Variants in ZNF160 observed in about 807,000 individuals in gnomAD.
ZNF160 encodes zinc finger protein 160.
A neutral mutation model predicts 13.1 loss-of-function variants in ZNF160; 9 were observed. The ratio of observed to expected loss-of-function variants is 0.69; its 90% confidence interval spans 0.41 to 1.20. The LOEUF (loss-of-function observed/expected upper bound fraction) is 1.20. ZNF160 is among the 50% of genes most tolerant of loss of function. The pLI is 0.01. For synonymous variants in ZNF160, 293 were observed against 333.2 expected (o/e 0.88, Z 1.31); for missense variants, 838 against 988.0 (o/e 0.85, Z 2.04).
Position 53,070,248 on chromosome 19 carries a change from A to T in ZNF160, c.286T>A (p.Cys96Ser). ...TTTGGTAGCAAATCCTTGATTGTAC[A>T]TTTAGGAGGGATATCTACAAGATAT... ...KGVVTDIPPK[C>S]TIKDLLPKEK... The change falls in exon 6 of 6, where the codon TGT becomes AGT. Residue 96 changes from cysteine to serine, a missense_variant. Cys to Ser is a moderately radical substitution (Grantham distance 112). Coordinates refer to ENST00000683776, the MANE Select transcript of ZNF160 (RefSeq NM_001322131.2). 6.3e-7 allele frequency: 1 copy of T among 1,593,412 alleles called. No individual in the cohort carries two copies. The highest frequency in any genetic ancestry group is 8.5e-7 in the Non-Finnish European group (1 of 1,171,718).
chr19:53,089,694 C>A (rs949045609), intron 2 of ZNF160, among the ~76,000 whole-genome samples: 1 of 152,118 alleles, frequency 6.6e-6, no homozygotes, highest in Non-Finnish European at 1.5e-5. Flanking sequence ...CAACATGTCA[C>A]AACTAAATTA....
intron 3 of ZNF160, 180 bp downstream of exon 3, chr19:53,086,082 C>T: frequency 7.3e-7 from 1 of 1,370,510 alleles, no homozygotes. Context: ...TTCCCAAGTT[C>T]ATGTCACTGG....
At chr19:53,073,443 C>A (rs760248975) in intron 5 of ZNF160, 1 of 1,598,382 alleles carries the variant, frequency 6.3e-7, no homozygotes, top group Non-Finnish European at 8.5e-7. Context: ...GCTGGAGACT[C>A]TTCCATGAGG....
chr19:53,094,402 T>C (rs1048736081), intron 1 of ZNF160, among the ~76,000 whole-genome samples: 1 of 152,150 alleles, frequency 6.6e-6, no homozygotes, highest in Non-Finnish European at 1.5e-5. Context: ...TTTCATCCTC[T>C]AAACAGACAA....
In ZNF160 at chr19:53,068,789, C is replaced by T. The variant is rs1484138555; in HGVS notation, c.1745G>A (p.Arg582Lys). ...KVFAQTSQLA[R>K]HWRVHTGEKP... Reference sequence around the variant, plus strand: ...TTCTCCAGTATGAACTCTCCAATGCCTTGCAAGTTGTGATGTTTGAGCGAA... The same window carrying T: ...TTCTCCAGTATGAACTCTCCAATGCTTTGCAAGTTGTGATGTTTGAGCGAA... Residue 582 changes from arginine (R) to lysine (K), a missense_variant, in exon 6 of 6, where the codon AGG (arginine) becomes AAG (lysine). By Grantham distance (26) the Arg-to-Lys change is conservative. Around this residue, in one of 3 missense-constraint regions of ZNF160, gnomAD observed 400 missense variants for 538.9 expected, o/e 0.74. Transcript: ENST00000683776. 6.2e-7 allele frequency: 1 copy of T among 1,612,504 alleles called. No homozygotes were observed. The highest frequency in any genetic ancestry group is 8.5e-7 in the Non-Finnish European group (1 of 1,178,862).
In ZNF160 at chr19:53,068,191, T is replaced by C. The variant is rs1371744774; in HGVS notation, c.2343A>G (p.Ala781=). 1 of 1,614,106 alleles carries C rather than the reference T, an allele frequency of 6.2e-7. No homozygotes were observed. The highest frequency in any genetic ancestry group is 1.1e-5 in the South Asian group (1 of 91,068). The change falls in exon 6 of 6, where the codon GCA becomes GCG. Residue 781 remains alanine (A), a synonymous_variant. Transcript: ENST00000683776. ...RVRSSLTTHM[A]IHTGEKRYKC... ...TGTAACGCTTTTCTCCAGTGTGGAT[T>C]GCCATATGGGTAGTTAGACTTGATC...
Position 53,103,385 on chromosome 19 carries a change from G to A in ZNF160, c.-474C>T, listed in dbSNP as rs1039096943. ...ACACAGAGGAACACTCATACGCCATGGTGTGATGCTTGCTCCGCACGATCC... is the reference window on the plus strand; with the variant it reads ...ACACAGAGGAACACTCATACGCCATAGTGTGATGCTTGCTCCGCACGATCC... On this transcript the variant is annotated 5_prime_UTR_variant, in exon 1 of 6. Coordinates refer to ENST00000683776, the MANE Select transcript of ZNF160 (RefSeq NM_001322131.2). The A allele has an allele frequency of 6.6e-6, 1 of 152,256 alleles. No individual in the cohort carries two copies. The highest frequency in any genetic ancestry group is 1.5e-5 in the Non-Finnish European group (1 of 68,068). 9.4% of individuals were successfully genotyped at this position (152,256 alleles called of 1,614,324 possible). A position where few individuals can be genotyped will look rare whatever the true frequency, so the allele number is the denominator to read the frequency against.
chr19:53,080,607 T>C (rs2084594656), intron 3 of ZNF160, among the ~76,000 whole-genome samples: 1 of 152,204 alleles, frequency 6.6e-6, no homozygotes, highest in African/African-American at 2.4e-5. Flanking sequence ...TTCATGCTCA[T>C]GGGTTGAAAG....
At chr19:53,080,341 C>A (rs571818852) in intron 3 of ZNF160, among the ~76,000 whole-genome samples, 5 of 152,062 alleles carry the variant, frequency 3.3e-5, no homozygotes, top group Admixed American at 6.6e-5. Context: ...TCAGGTGATC[C>A]GCCTGCCTTG....
intron 3 of ZNF160, among the ~76,000 whole-genome samples, chr19:53,077,599 G>A (rs1198237192): frequency 2.7e-5 from 4 of 150,606 alleles, no homozygotes; most frequent in African/African-American, 9.8e-5. Context: ...AACCCGGGAG[G>A]TGGAGGTTGC....
At chr19:53,077,739 C>G (rs2084454106) in intron 3 of ZNF160, among the ~76,000 whole-genome samples, 1 of 148,780 alleles carries the variant, frequency 6.7e-6, no homozygotes, top group African/African-American at 2.5e-5. Flanking sequence ...TAAATCACCA[C>G]AAAGTAATAC....
rs976730277 is a variant in ZNF160, at chr19:53,074,186, T to C, written c.225A>G (p.Ile75Met). Reference sequence around the variant, plus strand: ...ATTCCGGCGTTCTTGGTTTTCTTGCTATTTTCACACAGCTCTTCACAGTCC... The same window carrying C: ...ATTCCGGCGTTCTTGGTTTTCTTGCCATTTTCACACAGCTCTTCACAGTCC... ...EPWTVKSCVK[I>M]ARKPRTPECV... is the part of the protein sequence containing the mutation. Residue 75 changes from isoleucine to methionine, a missense_variant, in exon 5 of 6, where the codon ATA becomes ATG. By Grantham distance (10) the Ile-to-Met change is conservative (BLOSUM62 1). This residue lies in a region of ZNF160 where 387 missense variants were observed against 402.3 expected (regional missense o/e 0.96). Coordinates refer to ENST00000683776, the MANE Select transcript of ZNF160 (RefSeq NM_001322131.2). The C allele has an allele frequency of 1.9e-6, 3 of 1,613,912 alleles. No individual in the cohort carries two copies. The African/African-American group carries it at 4.0e-5, about 22-fold the overall frequency.
At position 53,075,158 on chromosome 19, in the gene ZNF160, G is replaced by A. The variant is rs575676248; in HGVS notation, c.41C>T (p.Ala14Val). The change falls in exon 4 of 6, where the codon GCC becomes GTC. Residue 14 changes from alanine (A) to valine (V), a missense_variant. Physicochemically the swap from Ala to Val is moderately conservative, Grantham distance 64. Around this residue, in one of 3 missense-constraint regions of ZNF160, gnomAD observed 387 missense variants for 402.3 expected, o/e 0.96. Transcript: ENST00000683776. ...TQVRLTFRDV[A>V]IEFSQEEWKC... is the part of the protein sequence containing the mutation. Reference sequence around the variant, plus strand: ...CCACTCCTCCTGAGAGAATTCTATGGCCACATCCCTAAATGTCAACCGTAC... The same window carrying A: ...CCACTCCTCCTGAGAGAATTCTATGACCACATCCCTAAATGTCAACCGTAC... 94 of 1,614,110 alleles carry A rather than the reference G, an allele frequency of 5.8e-5. No individual in the cohort carries two copies. Among genetic ancestry groups the A allele is most frequent in the Admixed American group, 1.3e-4 (8 of 60,014 alleles).
intron 3 of ZNF160, among the ~76,000 whole-genome samples, chr19:53,082,203 C>A (rs1019350748): frequency 3.9e-5 from 6 of 152,110 alleles, no homozygotes; most frequent in Admixed American, 1.3e-4. Context: ...GAAGACTAAA[C>A]CTCAACATCA....
At chr19:53,076,301 T>C (rs962713686) in intron 3 of ZNF160, among the ~76,000 whole-genome samples, 1 of 152,232 alleles carries the variant, frequency 6.6e-6, no homozygotes, top group Non-Finnish European at 1.5e-5. Flanking sequence ...TACTGAGTGA[T>C]ATTCAATAAC....
In ZNF160 at chr19:53,069,335, T is replaced by A. The variant is rs529769697; in HGVS notation, c.1199A>T (p.Asn400Ile). 65 of 1,613,598 alleles carry A rather than the reference T, an allele frequency of 4.0e-5. No individual in the cohort carries two copies. The highest frequency in any genetic ancestry group is 5.4e-5 in the Non-Finnish European group (64 of 1,179,812). ...AACACTAAAGGCTTTGCCGCACTCA[T>A]TGCACTTGTAAGGTTTCTCTCCAGT... ...IHTGEKPYKC[N>I]ECGKAFSVRS... The change falls in exon 6 of 6, where the codon AAT becomes ATT. Residue 400 changes from asparagine to isoleucine, a missense_variant. Asn to Ile is a moderately radical substitution (Grantham distance 149). Transcript: ENST00000683776. The surrounding 1 kb of genome is among the most constrained non-coding windows in gnomAD (Gnocchi z 4.4).
chr19:53,073,266 C>CTGTG lies in ZNF160; in HGVS notation c.271+873_271+874insCACA. 5 of 1,519,660 alleles carry CTGTG rather than the reference C, an allele frequency of 3.3e-6. No individual in the cohort carries two copies. In the South Asian group the frequency reaches 6.4e-5, roughly 19 times the overall value. The allele number at this position is 1,519,660 out of a possible 1,614,324, so 94.1% of individuals were successfully genotyped here. A position where few individuals can be genotyped will look rare whatever the true frequency, so the allele number is the denominator to read the frequency against. ...AAGCCTGGAAAAACAGAATACGCAC[C>CTGTG]CCATGTAAGACTGAGGATCAATGAC... On this transcript the variant is annotated intron_variant, in intron 5 of 5. Coordinates refer to ENST00000683776, the MANE Select transcript of ZNF160 (RefSeq NM_001322131.2).
chr19:53,074,058 G>T, intron 5 of ZNF160, 82 bp downstream of exon 5: 2 of 1,416,530 alleles, frequency 1.4e-6, no homozygotes, highest in South Asian at 2.5e-5. Flanking sequence ...CCTAAGTGTT[G>T]AGATTACAGG....
chr19:53,079,380 G>A (rs774624922), intron 3 of ZNF160, among the ~76,000 whole-genome samples: 15 of 151,592 alleles, frequency 9.9e-5, no homozygotes, highest in South Asian at 2.1e-4. Context: ...GAGAAACCCC[G>A]TCTCTACTAA....
Sources: allele counts gnomAD v4.1 joint callset (sites outside exome capture counted in the v4.1 genomes callset), GRCh38; gene constraint gnomAD v4.1.1; regional missense constraint gnomAD v4.1.1; non-coding constraint Gnocchi (gnomAD v3.1); transcripts MANE v1.5; gene names NCBI Gene and HGNC (gene_info 2026-07-23, HGNC 2026-07-21).